SGCG: variants seen among roughly 807,000 people sequenced by gnomAD.
The protein encoded by SGCG is gamma-sarcoglycan.
A neutral mutation model predicts 29.3 loss-of-function variants in SGCG; 26 were observed. The observed-to-expected ratio is 0.89, with a 90% CI of 0.65 to 1.23. The LOEUF (loss-of-function observed/expected upper bound fraction) is 1.23. SGCG is among the 50% of genes most tolerant of loss of function. SGCG has a pLI of 0.00. For synonymous variants in SGCG, 145 were observed against 129.7 expected (o/e 1.12, Z -0.80); for missense variants, 353 against 356.0 (o/e 0.99, Z 0.07).
At chr13:23,162,603 G>A in the SGCG span, among the ~76,000 whole-genome samples, 1 of 152,108 alleles carries the variant, frequency 6.6e-6, no homozygotes, top group Non-Finnish European at 1.5e-5. Flanking sequence ...TCCAGCCTGG[G>A]CAACAGAGCA....
At chr13:23,285,840 C>T (rs1304631995) in intron 5 of SGCG, among the ~76,000 whole-genome samples, 2 of 152,174 alleles carry the variant, frequency 1.3e-5, no homozygotes, top group Admixed American at 6.5e-5. Context: ...CAGTCCTTCA[C>T]GGCTTCCCTT....
At chr13:23,224,680 A>ACACACACCCCCC (rs1433903594) in intron 2 of SGCG, among the ~76,000 whole-genome samples, 59 of 150,656 alleles carry the variant, frequency 3.9e-4, no homozygotes, top group Admixed American at 7.9e-4. Context: ...ACACACACAC[A>ACACACACCCCCC]CCCCACACCA....
chr13:23,178,017 G>T (rs541685436), upstream of SGCG, among the ~76,000 whole-genome samples: 1 of 152,190 alleles, frequency 6.6e-6, no homozygotes. Context: ...GCACAGAAGA[G>T]ATGAACAGGG....
intron 2 of SGCG, among the ~76,000 whole-genome samples, chr13:23,207,322 A>G (rs1878020058): frequency 6.6e-6 from 1 of 152,258 alleles, no homozygotes; most frequent in Admixed American, 6.5e-5. Flanking sequence ...TGAATGCAAA[A>G]TGGATTAAAG....
chr13:23,172,087 A>G, the SGCG span, among the ~76,000 whole-genome samples: 1 of 152,168 alleles, frequency 6.6e-6, no homozygotes, highest in African/African-American at 2.4e-5. Flanking sequence ...TTACTCCTGG[A>G]TTAACCTCTC....
chr13:23,236,484 T>C (rs948555999), intron 3 of SGCG, among the ~76,000 whole-genome samples: 1 of 152,092 alleles, frequency 6.6e-6, no homozygotes, highest in African/African-American at 2.4e-5. Context: ...AAGACCATCC[T>C]GGCTAACACA....
intron 4 of SGCG, among the ~76,000 whole-genome samples, chr13:23,257,159 T>C (rs949394042): frequency 6.6e-6 from 1 of 152,210 alleles, no homozygotes. Context: ...ATGTGTCTGT[T>C]AGCTGCAAAA....
the SGCG span, among the ~76,000 whole-genome samples, chr13:23,160,984 TGAGA>T: frequency 6.6e-6 from 1 of 152,232 alleles, no homozygotes; most frequent in African/African-American, 2.4e-5. Flanking sequence ...GTGTGTGGTG[TGAGA>T]GAATCAGAGT....
chr13:23,277,084 A>T (rs1278632182), intron 4 of SGCG, among the ~76,000 whole-genome samples: 1 of 152,200 alleles, frequency 6.6e-6, no homozygotes, highest in African/African-American at 2.4e-5. Context: ...CAGACTTACT[A>T]TGAAAATAAA....
intron 5 of SGCG, among the ~76,000 whole-genome samples, chr13:23,290,494 A>T (rs1881659217): frequency 6.6e-6 from 1 of 152,200 alleles, no homozygotes; most frequent in African/African-American, 2.4e-5. Flanking sequence ...AGATGACAGA[A>T]ATTGTCATTG....
chr13:23,205,240 T>C (rs1013894905), intron 2 of SGCG, among the ~76,000 whole-genome samples: 8 of 152,212 alleles, frequency 5.3e-5, no homozygotes, highest in Non-Finnish European at 1.2e-4. Flanking sequence ...GTAGCACAAC[T>C]AACAGGATGC....
chr13:23,311,008 C>T (rs1471617504), intron 6 of SGCG, among the ~76,000 whole-genome samples: 1 of 152,100 alleles, frequency 6.6e-6, no homozygotes, highest in Non-Finnish European at 1.5e-5. Flanking sequence ...TTCTTGGAAA[C>T]ATTCTTTTCT....
chr13:23,230,508 A>G lies in SGCG; in HGVS notation c.196-4103A>G, dbSNP rs529360239. ...TGTAGGGATCTTTCACCCCTTGGTT[A>G]GCTGTATTCCTAGGTGTTTTATTCT... On this transcript the variant is annotated intron_variant, in intron 2 of 7. Coordinates refer to ENST00000218867, the MANE Select transcript of SGCG (RefSeq NM_000231.3). 1.2e-3 allele frequency among the ~76,000 whole-genome samples: 189 copies of G among 152,244 alleles called. 2 individuals carry two copies. Among genetic ancestry groups the G allele is most frequent in the African/African-American group, 4.4e-3 (182 of 41,548 alleles).
At chr13:23,279,893 A>G (rs1023876500) in intron 5 of SGCG, among the ~76,000 whole-genome samples, 2 of 152,032 alleles carry the variant, frequency 1.3e-5, no homozygotes, top group African/African-American at 4.8e-5. Flanking sequence ...ATGCCTGGCT[A>G]ATTTTTGTAT....
intron 2 of SGCG, among the ~76,000 whole-genome samples, chr13:23,219,984 T>C (rs947844049): frequency 6.9e-6 from 1 of 144,884 alleles, no homozygotes; most frequent in South Asian, 2.3e-4. Flanking sequence ...GCAAGGTGCC[T>C]GCCACCACGC....
chr13:23,251,878 A>G (rs575189297), intron 4 of SGCG, among the ~76,000 whole-genome samples: 1 of 152,108 alleles, frequency 6.6e-6, no homozygotes, highest in African/African-American at 2.4e-5. Context: ...ACAAACTTCC[A>G]ATGTCTCTCT....
At chr13:23,300,029 TAA>T (rs1344808639) in intron 6 of SGCG, among the ~76,000 whole-genome samples, 3 of 152,112 alleles carry the variant, frequency 2.0e-5, no homozygotes, top group Non-Finnish European at 4.4e-5. Context: ...CATAGGCAAA[TAA>T]ATATAAAATC....
At chr13:23,296,082 A>G (rs979989161) in intron 6 of SGCG, among the ~76,000 whole-genome samples, 1 of 152,244 alleles carries the variant, frequency 6.6e-6, no homozygotes, top group African/African-American at 2.4e-5. Context: ...CATATATTTT[A>G]CAAACCTATT....
At chr13:23,273,385 A>G (rs1880941876) in intron 4 of SGCG, among the ~76,000 whole-genome samples, 1 of 152,098 alleles carries the variant, frequency 6.6e-6, no homozygotes, top group Non-Finnish European at 1.5e-5. Flanking sequence ...GGGTTTCACC[A>G]CGTTGGCCAG....
Sources: allele counts gnomAD v4.1 joint callset (sites outside exome capture counted in the v4.1 genomes callset), GRCh38; gene constraint gnomAD v4.1.1; transcripts MANE v1.5; gene names NCBI Gene and HGNC (gene_info 2026-07-23, HGNC 2026-07-21).